The following DLGAP2 variants were observed in gnomAD, a reference collection of about 807,000 sequenced individuals.
DLGAP2 encodes disks large-associated protein 2.
Under a neutral mutation model 100.3 loss-of-function variants are expected in DLGAP2, and 26 were observed. That is an observed-to-expected ratio of 0.26 (90% CI 0.19 to 0.36). The LOEUF is 0.36. Among genes scored for constraint, DLGAP2 ranks in the 10% least tolerant of loss-of-function variants. The probability of loss-of-function intolerance (pLI) is 1.00; values close to 1 mark genes in which losing one functional copy is unlikely to be tolerated. For missense variants in DLGAP2, 1,858 were observed against 1,453.2 expected (o/e 1.28, Z -4.53); for synonymous variants, 886 against 630.1 (o/e 1.41, Z -6.08).
intron 1 of DLGAP2, chr8:739,436 G>A (rs1022788314): frequency 5.3e-5 from 8 of 152,240 alleles, no homozygotes; most frequent in African/African-American, 1.9e-4. Context: ...GCTCTCCAAG[G>A]AGCCTTCCCC....
intron 2 of DLGAP2, among the ~76,000 whole-genome samples, chr8:1,127,996 A>G (rs1466316447): frequency 1.3e-5 from 2 of 152,254 alleles, no homozygotes; most frequent in Admixed American, 6.5e-5. Flanking sequence ...AAAGTAAACC[A>G]GGCTTTTTAG....
At chr8:961,028 C>G (rs1186863295) in intron 2 of DLGAP2, among the ~76,000 whole-genome samples, 1 of 149,758 alleles carries the variant, frequency 6.7e-6, no homozygotes, top group African/African-American at 2.4e-5. Context: ...AGGGATTCTG[C>G]ACAGACCCCC....
intron 2 of DLGAP2, among the ~76,000 whole-genome samples, chr8:1,189,413 C>A (rs62489008): frequency 0.17 from 25,683 of 152,184 alleles, 2,264 homozygotes; most frequent in East Asian, 0.39. Flanking sequence ...AGTGCAGTTA[C>A]CATGTCAGAA....
chr8:1,330,789 C>G (rs1178703438), intron 3 of DLGAP2, among the ~76,000 whole-genome samples: 2 of 137,048 alleles, frequency 1.5e-5, no homozygotes, highest in Non-Finnish European at 3.1e-5. Flanking sequence ...TGGGTGGGAG[C>G]ACTGCTTCAC....
chr8:1,645,321 G>C (rs1482237095), intron 8 of DLGAP2, among the ~76,000 whole-genome samples: 1 of 152,144 alleles, frequency 6.6e-6, no homozygotes. Flanking sequence ...CCATGAATTC[G>C]AGGAGATAGT....
At chr8:1,376,906 A>C (rs1461404644) in intron 3 of DLGAP2, among the ~76,000 whole-genome samples, 1 of 152,212 alleles carries the variant, frequency 6.6e-6, no homozygotes, top group Non-Finnish European at 1.5e-5. Flanking sequence ...ACATCGAAGG[A>C]TTTGTCATGG....
intron 3 of DLGAP2, among the ~76,000 whole-genome samples, chr8:1,337,192 AATGATGGTG>A (rs78031040): frequency 0.46 from 63,489 of 137,680 alleles, 16,251 homozygotes; most frequent in African/African-American, 0.75. Flanking sequence ...TGGTGGTGAG[AATGATGGTG>A]ATGATGGTGA....
intron 3 of DLGAP2, among the ~76,000 whole-genome samples, chr8:1,372,179 C>T (rs1413383459): frequency 6.6e-6 from 1 of 151,956 alleles, no homozygotes; most frequent in Non-Finnish European, 1.5e-5. Flanking sequence ...CACCGTGGCG[C>T]CAACGCTGGG....
chr8:1,379,919 A>C (rs1250358253), intron 3 of DLGAP2, among the ~76,000 whole-genome samples: 3 of 106,926 alleles, frequency 2.8e-5, no homozygotes, highest in African/African-American at 9.7e-5. Context: ...TGGGGGCCTG[A>C]TTTTGGGGTG....
chr8:1,687,018 C>T (rs1274241897), intron 12 of DLGAP2, among the ~76,000 whole-genome samples: 1 of 152,112 alleles, frequency 6.6e-6, no homozygotes, highest in Admixed American at 6.5e-5. Flanking sequence ...CCATTAAAAA[C>T]ACACAGAAAC....
At chr8:899,660 A>G (rs1229258252) in intron 1 of DLGAP2, among the ~76,000 whole-genome samples, 3 of 152,238 alleles carry the variant, frequency 2.0e-5, no homozygotes, top group Non-Finnish European at 2.9e-5. Flanking sequence ...AATGCTATAC[A>G]TCTCATCTCA....
intron 2 of DLGAP2, among the ~76,000 whole-genome samples, chr8:1,098,483 G>A (rs1037653035): frequency 2.6e-5 from 4 of 152,124 alleles, no homozygotes; most frequent in Non-Finnish European, 5.9e-5. Context: ...GTTTTCCAAG[G>A]CACGGAGCAG....
chr8:1,606,031 C>T (rs1376504894), intron 6 of DLGAP2, among the ~76,000 whole-genome samples: 1 of 152,108 alleles, frequency 6.6e-6, no homozygotes, highest in African/African-American at 2.4e-5. Flanking sequence ...AAATCAGAGG[C>T]GAAGAATGAA....
chr8:1,672,226 TAA>T (rs1491477562), intron 10 of DLGAP2, among the ~76,000 whole-genome samples: 1 of 130,004 alleles, frequency 7.7e-6, no homozygotes, highest in Non-Finnish European at 1.5e-5. Flanking sequence ...TTTTTATTTT[TAA>T]TTTTTTTTTT....
At chr8:1,408,432 G>A (rs954257334) in intron 3 of DLGAP2, among the ~76,000 whole-genome samples, 19 of 140,340 alleles carry the variant, frequency 1.4e-4, no homozygotes, top group African/African-American at 4.0e-4. Context: ...GGGGCCTTGC[G>A]TAATCTCCAC....
At chr8:1,205,041 T>C (rs2123063) in intron 2 of DLGAP2, among the ~76,000 whole-genome samples, 83,860 of 152,028 alleles carry the variant, frequency 0.55, 25,764 homozygotes, top group African/African-American at 0.83. Context: ...TCATTAGGGC[T>C]GGTCTCTGCA....
At chr8:1,295,834 G>A (rs1204788053) in intron 3 of DLGAP2, among the ~76,000 whole-genome samples, 1 of 152,162 alleles carries the variant, frequency 6.6e-6, no homozygotes. Context: ...CACAGCAGAA[G>A]CCATCATTTA....
At position 1,486,634 on chromosome 8, in the gene DLGAP2, A is replaced by G. The variant is rs1799242961; in HGVS notation, c.107-14732A>G. Among the ~76,000 whole-genome samples, 3 of 146,420 alleles carry G rather than the reference A, an allele frequency of 2.0e-5. No homozygotes were observed. In the Admixed American group the frequency reaches 2.1e-4, roughly 10 times the overall value. ...AGCCTTGCAGAGAGCCACAACACTA[A>G]CAGAACTGCATTTGTCTCCTCTTGC... On this transcript the variant is annotated intron_variant, in intron 3 of 14. Coordinates refer to ENST00000637795, the MANE Select transcript of DLGAP2 (RefSeq NM_001346810.2).
At chr8:1,672,170 T>G (rs1798705086) in intron 10 of DLGAP2, among the ~76,000 whole-genome samples, 1 of 152,200 alleles carries the variant, frequency 6.6e-6, no homozygotes, top group Non-Finnish European at 1.5e-5. Context: ...CCCTGGTGCC[T>G]TGTGAATCCC....
Sources: gnomAD v4.1 joint callset for allele counts (sites outside exome capture counted in the v4.1 genomes callset) on GRCh38, gnomAD v4.1.1 for gene constraint, MANE v1.5 for transcripts, NCBI Gene and HGNC (gene_info 2026-07-23, HGNC 2026-07-21) for gene names.